The following KLF8 variants were observed in gnomAD, a reference collection of about 807,000 sequenced individuals.
The protein encoded by KLF8 is KLF transcription factor 8, also known as Krueppel-like factor 8.
Under a neutral mutation model 18.2 loss-of-function variants are expected in KLF8, and 10 were observed. That is an observed-to-expected ratio of 0.55 (90% CI 0.34 to 0.93). KLF8 has a LOEUF of 0.93. KLF8 is among the 40% of genes least tolerant of loss of function. The pLI is 0.02. For synonymous variants in KLF8, 109 were observed against 97.3 expected (o/e 1.12, Z -0.71); for missense variants, 264 against 277.9 (o/e 0.95, Z 0.36).
chrX:56,113,356 G>A, the KLF8 span, among the ~76,000 whole-genome samples: 3 of 108,377 alleles, frequency 2.8e-5, no homozygotes, highest in Admixed American at 9.9e-5. Context: ...CATTTTAAAT[G>A]TTATGTGGTA....
chrX:56,157,853 T>A, the KLF8 span, among the ~76,000 whole-genome samples: 1 of 111,696 alleles, frequency 9.0e-6, no homozygotes, highest in Admixed American at 9.5e-5. Context: ...CTGTTCACTC[T>A]GATGGTAGTT....
the KLF8 span, among the ~76,000 whole-genome samples, chrX:56,155,965 C>A: frequency 1.4e-3 from 161 of 111,715 alleles, no homozygotes; most frequent in Non-Finnish European, 1.9e-3. Context: ...CAGCTCCATC[C>A]GTGTTGCTAT....
the KLF8 span, among the ~76,000 whole-genome samples, chrX:55,932,774 G>A: frequency 7.2e-5 from 8 of 111,599 alleles, no homozygotes; most frequent in Admixed American, 5.7e-4. Flanking sequence ...TGGGTAACCC[G>A]ACCTTTCTCT....
chrX:56,111,608 A>G, the KLF8 span, among the ~76,000 whole-genome samples: 1 of 112,406 alleles, frequency 8.9e-6, no homozygotes, highest in African/African-American at 3.2e-5. Context: ...TCCAGAATCT[A>G]CAAAGAACAT....
At chrX:55,930,491 G>A in the KLF8 span, among the ~76,000 whole-genome samples, 6 of 111,996 alleles carry the variant, frequency 5.4e-5, no homozygotes, top group East Asian at 1.1e-3. Flanking sequence ...TTCAGCCTTC[G>A]CCCATTCAGT....
At chrX:56,221,119 ATC>A in the KLF8 span, among the ~76,000 whole-genome samples, 4 of 112,345 alleles carry the variant, frequency 3.6e-5, no homozygotes, top group Non-Finnish European at 7.5e-5. Flanking sequence ...GAAAAAATAA[ATC>A]TGTGCATTTC....
At chrX:56,179,532 A>G in the KLF8 span, among the ~76,000 whole-genome samples, 5 of 112,018 alleles carry the variant, frequency 4.5e-5, no homozygotes, top group Non-Finnish European at 9.4e-5. Context: ...ACTATGTTGA[A>G]TAGGAGTGGT....
At chrX:56,023,193 C>A in the KLF8 span, among the ~76,000 whole-genome samples, 3 of 110,938 alleles carry the variant, frequency 2.7e-5, no homozygotes, top group Admixed American at 1.9e-4. Flanking sequence ...GTAATAGAAA[C>A]AAGGGAATTA....
chrX:56,272,066 T>A (rs2067064096), intron 5 of KLF8, among the ~76,000 whole-genome samples: 1 of 111,722 alleles, frequency 9.0e-6, no homozygotes, highest in Non-Finnish European at 1.9e-5. Flanking sequence ...CCTAGTGGTG[T>A]AAGCTTCCCA....
the KLF8 span, among the ~76,000 whole-genome samples, chrX:55,944,426 C>G: frequency 1.8e-5 from 2 of 109,932 alleles, no homozygotes; most frequent in African/African-American, 6.6e-5. Flanking sequence ...CTCCTTGTAC[C>G]TCTGGTAGAA....
chrX:56,027,944 G>A, the KLF8 span, among the ~76,000 whole-genome samples: 3 of 112,255 alleles, frequency 2.7e-5, no homozygotes, highest in Non-Finnish European at 5.6e-5. Context: ...CCACATGGGG[G>A]GCCTTTATAT....
the KLF8 span, among the ~76,000 whole-genome samples, chrX:56,045,523 T>C: frequency 8.9e-6 from 1 of 112,463 alleles, no homozygotes; most frequent in East Asian, 2.8e-4. Context: ...ATTCTACCCA[T>C]CTGTGAAAAT....
chrX:56,166,137 T>TTA, the KLF8 span, among the ~76,000 whole-genome samples: 1 of 14,902 alleles, frequency 6.7e-5, no homozygotes, highest in Non-Finnish European at 2.2e-4. Context: ...AAGTGCTTTA[T>TTA]TTTTTTTTTT....
At chrX:56,119,658 C>T in the KLF8 span, among the ~76,000 whole-genome samples, 1 of 109,985 alleles carries the variant, frequency 9.1e-6, no homozygotes, top group East Asian at 2.9e-4. Flanking sequence ...CCTTTGCCTC[C>T]CAAAGTGCTA....
At chrX:56,085,891 G>A in the KLF8 span, among the ~76,000 whole-genome samples, 4 of 112,100 alleles carry the variant, frequency 3.6e-5, no homozygotes, top group African/African-American at 1.3e-4. Flanking sequence ...GAAACATAAA[G>A]AGTCTCAGAT....
chrX:56,089,443 G>A, the KLF8 span, among the ~76,000 whole-genome samples: 1 of 112,119 alleles, frequency 8.9e-6, no homozygotes, highest in East Asian at 2.8e-4. Context: ...CACACCTTAT[G>A]TATGATGCTT....
the KLF8 span, among the ~76,000 whole-genome samples, chrX:56,199,946 C>G: frequency 9.0e-6 from 1 of 110,997 alleles, no homozygotes; most frequent in East Asian, 2.8e-4. Flanking sequence ...ATGGATCAAG[C>G]TGGAAGCCAT....
chrX:55,926,898 TA>T, the KLF8 span, among the ~76,000 whole-genome samples: 9,300 of 107,865 alleles, frequency 0.086, 996 homozygotes, highest in African/African-American at 0.3. Flanking sequence ...TAGACAACCC[TA>T]AAAAAAAAGT....
At chrX:55,915,585 AGCCAT>A in the KLF8 span, among the ~76,000 whole-genome samples, 300 of 112,130 alleles carry the variant, frequency 2.7e-3, 2 homozygotes, top group South Asian at 0.012. Flanking sequence ...ACTTGCCTTG[AGCCAT>A]GTTCTTTTCA....
Sources: gnomAD v4.1 joint callset for allele counts (sites outside exome capture counted in the v4.1 genomes callset) on GRCh38, gnomAD v4.1.1 for gene constraint, MANE v1.5 for transcripts, NCBI Gene and HGNC (gene_info 2026-07-23, HGNC 2026-07-21) for gene names.